FAM13A: variants seen among roughly 807,000 people sequenced by gnomAD.
FAM13A encodes the protein family with sequence similarity 13 member A, also known as protein FAM13A.
Under a neutral mutation model 129.6 loss-of-function variants are expected in FAM13A, and 76 were observed. The observed-to-expected ratio is 0.59, with a 90% CI of 0.49 to 0.71. The LOEUF (loss-of-function observed/expected upper bound fraction) is 0.71, where lower values mean the gene tolerates loss of function less well. Among genes scored for constraint, FAM13A ranks in the 30% least tolerant of loss-of-function variants. FAM13A has a pLI of 0.00. For missense variants in FAM13A, 1,108 were observed against 1,249.3 expected (o/e 0.89, Z 1.70); for synonymous variants, 443 against 449.9 (o/e 0.98, Z 0.20).
chr4:88,884,779 G>C (rs773619321), intron 6 of FAM13A, among the ~76,000 whole-genome samples: 2 of 152,126 alleles, frequency 1.3e-5, no homozygotes, highest in African/African-American at 4.8e-5. Context: ...TCCTAGAACT[G>C]ATAAATGAAT....
At chr4:89,027,421 G>T (rs1297454913) in intron 2 of FAM13A, among the ~76,000 whole-genome samples, 1 of 151,396 alleles carries the variant, frequency 6.6e-6, no homozygotes, top group African/African-American at 2.4e-5. Context: ...GTGGTGGGAA[G>T]ATTATTTGAA....
chr4:89,028,240 G>A (rs1477352487), intron 2 of FAM13A, among the ~76,000 whole-genome samples: 1 of 147,614 alleles, frequency 6.8e-6, no homozygotes, highest in Non-Finnish European at 1.5e-5. Context: ...AAAAACTGAT[G>A]AATTGTTTAT....
chr4:88,746,893 A>G (rs750849768), intron 19 of FAM13A, 39 bp downstream of exon 19: 2 of 1,298,078 alleles, frequency 1.5e-6, no homozygotes, highest in Non-Finnish European at 2.2e-6. Flanking sequence ...CTAAAGCCAG[A>G]TAATTGACCC....
chr4:88,988,692 T>C (rs942271842), intron 4 of FAM13A, among the ~76,000 whole-genome samples: 6 of 151,978 alleles, frequency 3.9e-5, no homozygotes, highest in Non-Finnish European at 7.4e-5. Context: ...AATTGATAAA[T>C]ATGAAAATAG....
chr4:88,739,266 T>TAAACTGATA, intron 19 of FAM13A, 141 bp from the exon 20 acceptor site: 1 of 629,500 alleles, frequency 1.6e-6, no homozygotes, highest in Non-Finnish European at 2.9e-6. Context: ...AGAATTTATT[T>TAAACTGATA]AAACTGATAA....
chr4:88,838,525 C>G (rs1220893643), intron 7 of FAM13A, among the ~76,000 whole-genome samples: 2 of 151,862 alleles, frequency 1.3e-5, no homozygotes, highest in Admixed American at 6.6e-5. Context: ...ATCACGAGGT[C>G]AGGAGATGGA....
rs778898144 is a variant in FAM13A at position 89,020,596 on chromosome 4, C to T, written c.291G>A (p.Glu97=). 1 of 1,614,174 alleles carries T rather than the reference C, an allele frequency of 6.2e-7. No individual in the cohort carries two copies. The highest frequency in any genetic ancestry group is 8.5e-7 in the Non-Finnish European group (1 of 1,180,026). The part of the protein sequence containing the change: ...KVVEQLRLKF[E]SGVPVELGKD... Reference sequence around the variant, plus strand: ...TCCCGAGCTCCACGGGCACTCCACTCTCGAACTTCAGTCGAAGTTGTTCCA... The same window carrying T: ...TCCCGAGCTCCACGGGCACTCCACTTTCGAACTTCAGTCGAAGTTGTTCCA... Residue 97 remains glutamate (E), a synonymous_variant, in exon 3 of 24, where the codon GAG becomes GAA. Coordinates refer to ENST00000264344, the MANE Select transcript of FAM13A (RefSeq NM_014883.4).
chr4:89,006,459 A>C (rs1207244010), intron 3 of FAM13A, among the ~76,000 whole-genome samples: 1 of 152,214 alleles, frequency 6.6e-6, no homozygotes, highest in Non-Finnish European at 1.5e-5. Flanking sequence ...GGGACTTGCA[A>C]CAGGGGTGTG....
chr4:88,893,868 A>G (rs1420834979), intron 6 of FAM13A, among the ~76,000 whole-genome samples: 1 of 151,976 alleles, frequency 6.6e-6, no homozygotes, highest in Admixed American at 6.6e-5. Flanking sequence ...GTTACGCACA[A>G]GCTTTTGGAT....
intron 5 of FAM13A, among the ~76,000 whole-genome samples, chr4:88,917,266 A>T (rs1423213483): frequency 6.6e-6 from 1 of 151,954 alleles, no homozygotes. Flanking sequence ...TGTAGAGATC[A>T]TATGGCAAGG....
At chr4:88,841,767 T>C (rs1735872154) in intron 7 of FAM13A, among the ~76,000 whole-genome samples, 2 of 152,274 alleles carry the variant, frequency 1.3e-5, no homozygotes, top group South Asian at 4.1e-4. Flanking sequence ...ATGGTAACAA[T>C]TGTTGGTGAA....
At chr4:88,767,747 A>C (rs761389581) in intron 12 of FAM13A, 152 bp from the exon 13 acceptor site, 9 of 717,860 alleles carry the variant, frequency 1.3e-5, no homozygotes, top group Non-Finnish European at 2.0e-5. Context: ...CAAAACAAAA[A>C]ATTAATCAAA....
intron 23 of FAM13A, chr4:88,729,915 G>A (rs1737286964): frequency 1.3e-5 from 2 of 152,132 alleles, no homozygotes; most frequent in South Asian, 2.1e-4. Flanking sequence ...GGTTATTATT[G>A]TTTTGGGAAT....
At chr4:88,954,464 C>T (rs1757428596) in intron 4 of FAM13A, among the ~76,000 whole-genome samples, 1 of 152,152 alleles carries the variant, frequency 6.6e-6, no homozygotes, top group Non-Finnish European at 1.5e-5. Flanking sequence ...GATGCGTAAA[C>T]CAGATTCTTG....
chr4:88,968,685 C>CTT (rs527567191), intron 4 of FAM13A, among the ~76,000 whole-genome samples: 1 of 151,166 alleles, frequency 6.6e-6, no homozygotes, highest in African/African-American at 2.4e-5. Flanking sequence ...CACTTTCTTC[C>CTT]TTTTTTTTTA....
rs182126842 is a variant in FAM13A, at chr4:88,821,063, G to A, written c.1008-16011C>T. On this transcript the variant is annotated intron_variant, in intron 7 of 23. Transcript: ENST00000264344. ...AGTCCGCAATAGTCATCATTACCAC[G>A]AGAGTCACAGAAATCAATAGCCAAA... Among the ~76,000 whole-genome samples the A allele has an allele frequency of 4.5e-4, 69 of 152,284 alleles. 1 individual carries two copies. The highest frequency in any genetic ancestry group is 7.5e-4 in the Non-Finnish European group (51 of 68,016).
At chr4:88,882,870 A>G (rs1743817064) in intron 6 of FAM13A, among the ~76,000 whole-genome samples, 1 of 152,188 alleles carries the variant, frequency 6.6e-6, no homozygotes, top group Non-Finnish European at 1.5e-5. Flanking sequence ...AGCTATTCTT[A>G]TATCAGACAA....
chr4:88,841,037 C>T (rs760678098), intron 7 of FAM13A, among the ~76,000 whole-genome samples: 4 of 137,890 alleles, frequency 2.9e-5, no homozygotes, highest in Non-Finnish European at 6.3e-5. Context: ...GATCAAAGAC[C>T]TAAATAAAAC....
At chr4:88,828,223 C>CT (rs1733340466) in intron 7 of FAM13A, among the ~76,000 whole-genome samples, 2 of 152,298 alleles carry the variant, frequency 1.3e-5, no homozygotes, top group African/African-American at 4.8e-5. Context: ...TCACTGCAGC[C>CT]TTTACCTCCT....
Sources: gnomAD v4.1 joint callset for allele counts (sites outside exome capture counted in the v4.1 genomes callset) on GRCh38, gnomAD v4.1.1 for gene constraint, MANE v1.5 for transcripts, NCBI Gene and HGNC (gene_info 2026-07-23, HGNC 2026-07-21) for gene names.